ZBTB8OS: variants seen among roughly 807,000 people sequenced by gnomAD.
ZBTB8OS encodes tRNA-splicing ligase-activating factor archease.
A neutral mutation model predicts 29.3 loss-of-function variants in ZBTB8OS; 16 were observed. That is an observed-to-expected ratio of 0.55 (90% CI 0.37 to 0.83). ZBTB8OS has a LOEUF of 0.83. ZBTB8OS is among the 40% of genes least tolerant of loss of function. The pLI is 0.00. For missense variants in ZBTB8OS, 160 were observed against 196.9 expected (o/e 0.81, Z 1.12); for synonymous variants, 70 against 64.6 (o/e 1.08, Z -0.40).
chr1:32,649,579 T>C (rs1006173255), intron 1 of ZBTB8OS, among the ~76,000 whole-genome samples: 2 of 151,548 alleles, frequency 1.3e-5, no homozygotes, highest in African/African-American at 4.8e-5. Flanking sequence ...GCGCGGGCTA[T>C]GATCGCTCCA....
chr1:32,643,591 G>T (rs1646604522), intron 1 of ZBTB8OS, among the ~76,000 whole-genome samples: 1 of 151,316 alleles, frequency 6.6e-6, no homozygotes, highest in Non-Finnish European at 1.5e-5. Flanking sequence ...TGCCTCCCGG[G>T]TTCAAGCTAT....
At chr1:32,632,162 C>T (rs1252535222) in intron 4 of ZBTB8OS, 10 of 181,186 alleles carry the variant, frequency 5.5e-5, no homozygotes, top group South Asian at 1.3e-4. Flanking sequence ...CCACCACGCC[C>T]GGCCAATCAA....
intron 1 of ZBTB8OS, among the ~76,000 whole-genome samples, chr1:32,649,668 A>ACTTT (rs1491538426): frequency 6.4e-5 from 2 of 31,130 alleles, no homozygotes; most frequent in African/African-American, 1.7e-4. Context: ...ACACACACAC[A>ACTTT]TTTTTTTTTT....
chr1:32,629,473 C>T (rs1029522157), intron 5 of ZBTB8OS, among the ~76,000 whole-genome samples: 3 of 151,994 alleles, frequency 2.0e-5, no homozygotes, highest in Non-Finnish European at 4.4e-5. Flanking sequence ...TTAAATAATA[C>T]CTCCCACTGG....
rs201845678 is a variant in ZBTB8OS at position 32,625,350 on chromosome 1, T to C, written c.417+2158A>G. Among the ~76,000 whole-genome samples the C allele has an allele frequency of 5.3e-5, 8 of 151,848 alleles. No individual in the cohort carries two copies. In the South Asian group the frequency reaches 8.3e-4, roughly 16 times the overall value. The stretch of plus-strand genomic sequence containing the variant: ...GAGTTCGAGATCAGCCTGGCCAACA[T>C]GGTGAAACCCCATCTCTACTAAAAA... On this transcript the variant is annotated intron_variant, in intron 6 of 6. Coordinates refer to ENST00000468695, the MANE Select transcript of ZBTB8OS (RefSeq NM_178547.5).
At chr1:32,634,519 C>G in intron 2 of ZBTB8OS, 1 of 554,708 alleles carries the variant, frequency 1.8e-6, no homozygotes, top group Non-Finnish European at 3.2e-6. Context: ...AGCCACCACA[C>G]CCGGCCTTAT....
rs557593816 is a variant in ZBTB8OS, at chr1:32,646,337, T to C, written c.97+4096A>G. ...ACTGTCTCAGGGAAAAAAAAAAAGA[T>C]TTTTTTTTCTTGGTATCTAATTCCA... On this transcript the variant is annotated intron_variant, in intron 1 of 6. Transcript: ENST00000468695. Among the ~76,000 whole-genome samples, 18 of 151,264 alleles carry C rather than the reference T, an allele frequency of 1.2e-4. No homozygotes were observed. The East Asian group carries it at 3.5e-3, about 29-fold the overall frequency.
At position 32,634,087 on chromosome 1, in the gene ZBTB8OS, T is replaced by A. The variant is rs555263809; in HGVS notation, c.123-15A>T. 5.3e-5 allele frequency: 81 copies of A among 1,532,824 alleles called. No individual in the cohort carries two copies. The South Asian group carries it at 8.3e-4, about 16-fold the overall frequency. 95.0% of individuals were successfully genotyped at this position (1,532,824 alleles called of 1,614,324 possible). On this transcript the variant is annotated splice_polypyrimidine_tract_variant and intron_variant, in intron 2 of 6. Coordinates refer to ENST00000468695, the MANE Select transcript of ZBTB8OS (RefSeq NM_178547.5). ...ATGCGTGTAACCTAAAGAAGTATAT[T>A]CATGCTCTGTGTAATACAATCCACT... is the stretch of plus-strand genomic sequence containing the variant.
intron 1 of ZBTB8OS, among the ~76,000 whole-genome samples, chr1:32,642,945 A>G (rs1391560148): frequency 3.5e-5 from 5 of 142,914 alleles, no homozygotes; most frequent in Non-Finnish European, 6.1e-5. Context: ...TAATTTTTGT[A>G]TTTTTAGTAG....
At chr1:32,645,245 C>T (rs184756911) in intron 1 of ZBTB8OS, among the ~76,000 whole-genome samples, 1 of 152,184 alleles carries the variant, frequency 6.6e-6, no homozygotes, top group East Asian at 1.9e-4. Flanking sequence ...CACCTGTAAT[C>T]CCAGCACTTT....
intron 2 of ZBTB8OS, 36 bp downstream of exon 2, chr1:32,634,732 C>T (rs756937877): frequency 7.4e-6 from 12 of 1,613,406 alleles, no homozygotes; most frequent in Admixed American, 6.7e-5. Flanking sequence ...TTCCTACTGA[C>T]GTGGTTTCAA....
chr1:32,648,830 T>A (rs896726758), intron 1 of ZBTB8OS, among the ~76,000 whole-genome samples: 1 of 151,746 alleles, frequency 6.6e-6, no homozygotes, highest in Non-Finnish European at 1.5e-5. Flanking sequence ...AGCTAATTTT[T>A]GTATTTTTAG....
At position 32,621,903 on chromosome 1, in the gene ZBTB8OS, T is replaced by C; in HGVS notation, c.463A>G (p.Asn155Asp). The change falls in exon 7 of 7, where the codon AAT becomes GAT. Residue 155 changes from asparagine (N) to aspartate (D), a missense_variant. By Grantham distance (23) the Asn-to-Asp change is conservative (BLOSUM62 1). Transcript: ENST00000468695. Reference sequence around the variant, plus strand: ...ACAAAAACTTCCGGGTTCTCTTCATTATAGACCTGCATTGCTGAATATGTT... The same window carrying C: ...ACAAAAACTTCCGGGTTCTCTTCATCATAGACCTGCATTGCTGAATATGTT... ...AITYSAMQVY[N>D]EENPEVFVII... The C allele has an allele frequency of 6.3e-7, 1 of 1,595,986 alleles. No individual in the cohort carries two copies. The highest frequency in any genetic ancestry group is 8.5e-7 in the Non-Finnish European group (1 of 1,176,836).
Position 32,633,735 on chromosome 1 carries a change from A to T in ZBTB8OS, c.245-8T>A. 1 of 1,574,346 alleles carries T rather than the reference A, an allele frequency of 6.4e-7. No homozygotes were observed. The highest frequency in any genetic ancestry group is 8.6e-7 in the Non-Finnish European group (1 of 1,162,282). ...GAGACTGTAAGTCATCTCCTACACA[A>T]GATCAAATAGTATATTTAATAATTC... On this transcript the variant is annotated splice_polypyrimidine_tract_variant and splice_region_variant and intron_variant, in intron 3 of 6. Transcript: ENST00000468695.
intron 5 of ZBTB8OS, among the ~76,000 whole-genome samples, chr1:32,628,753 T>C (rs906577442): frequency 4.6e-5 from 7 of 151,950 alleles, no homozygotes; most frequent in South Asian, 2.1e-4. Context: ...CTGGCCAACA[T>C]GGTGAGAACT....
chr1:32,634,572 G>A, intron 2 of ZBTB8OS, 196 bp downstream of exon 2: 1 of 628,854 alleles, frequency 1.6e-6, no homozygotes, highest in Non-Finnish European at 2.8e-6. Flanking sequence ...CTGTCACCCA[G>A]GCTGGGGTGC....
intron 4 of ZBTB8OS, 160 bp downstream of exon 4, chr1:32,633,485 C>T: frequency 1.8e-6 from 1 of 556,674 alleles, no homozygotes; most frequent in Non-Finnish European, 3.2e-6. Context: ...TGCAGGTTAA[C>T]CAGGAAGTGC....
At chr1:32,643,109 T>A in intron 1 of ZBTB8OS, among the ~76,000 whole-genome samples, 1 of 144,264 alleles carries the variant, frequency 6.9e-6, no homozygotes, top group Admixed American at 7.0e-5. Context: ...TCGCTCTTGT[T>A]TCCCAGGCTG....
chr1:32,634,653 T>C, intron 2 of ZBTB8OS, 115 bp downstream of exon 2: 1 of 1,368,878 alleles, frequency 7.3e-7, no homozygotes, highest in Non-Finnish European at 1.0e-6. Flanking sequence ...ATCATTTTCA[T>C]ATTGTGAAGG....
Sources: allele counts gnomAD v4.1 joint callset (sites outside exome capture counted in the v4.1 genomes callset), GRCh38; gene constraint gnomAD v4.1.1; transcripts MANE v1.5; gene names NCBI Gene and HGNC (gene_info 2026-07-23, HGNC 2026-07-21).